NPAS3: variants seen among roughly 807,000 people sequenced by gnomAD.
NPAS3 encodes the protein neuronal PAS domain protein 3, also known as neuronal PAS domain-containing protein 3.
In NPAS3, 14 loss-of-function variants were observed where a neutral mutation model predicts 73.1. That is an observed-to-expected ratio of 0.19 (90% CI 0.13 to 0.30). NPAS3 has a LOEUF of 0.30. Ranked by LOEUF, NPAS3 falls within the 10% of genes least tolerant of loss-of-function variation. The pLI is 1.00. For missense variants in NPAS3, 1,096 were observed against 1,250.0 expected, an observed-to-expected ratio of 0.88 and a Z score of 1.86; for synonymous variants, 620 against 541.5, an observed-to-expected ratio of 1.14 and a Z score of -2.01.
rs767290908 is a variant in NPAS3 at position 33,560,098 on chromosome 14, T to C, written c.469-23T>C. The C allele has an allele frequency of 3.6e-6, 3 of 833,838 alleles. No individual in the cohort carries two copies. The South Asian group carries it at 4.3e-5, about 12-fold the overall frequency. The allele number at this position is 833,838 out of a possible 1,614,324, so 51.7% of individuals were successfully genotyped here. A position where few individuals can be genotyped will look rare whatever the true frequency, so the allele number is the denominator to read the frequency against. On this transcript the variant is annotated intron_variant, in intron 4 of 11. Coordinates refer to ENST00000356141, the Ensembl canonical transcript of NPAS3. ...TCCTTTGTATTTATTAATCTATTTA[T>C]ATATTTATTCTTTTTCCTGCAGTCC...
intron 5 of NPAS3, among the ~76,000 whole-genome samples, chr14:33,610,665 A>T (rs1201640295): frequency 2.0e-5 from 3 of 152,214 alleles, no homozygotes; most frequent in Admixed American, 6.5e-5. Flanking sequence ...GCTTCAAAGA[A>T]ATTTTATTTC....
At chr14:33,152,634 A>T (rs949001526) in intron 2 of NPAS3, among the ~76,000 whole-genome samples, 16 of 152,166 alleles carry the variant, frequency 1.1e-4, no homozygotes, top group African/African-American at 3.6e-4. Flanking sequence ...AATTCTAGGG[A>T]GGAAATAATT....
chr14:33,657,396 G>C (rs1217288133), intron 5 of NPAS3, among the ~76,000 whole-genome samples: 1 of 152,138 alleles, frequency 6.6e-6, no homozygotes, highest in Non-Finnish European at 1.5e-5. Context: ...ATGATGAATA[G>C]GATATCATCC....
intron 4 of NPAS3, among the ~76,000 whole-genome samples, chr14:33,436,274 C>T (rs772846352): frequency 3.2e-4 from 48 of 152,130 alleles, no homozygotes; most frequent in African/African-American, 6.3e-4. Context: ...CTAAGTAAGA[C>T]AAATTAAACA....
intron 5 of NPAS3, among the ~76,000 whole-genome samples, chr14:33,657,737 A>G (rs1357356645): frequency 6.6e-6 from 1 of 151,962 alleles, no homozygotes; most frequent in African/African-American, 2.4e-5. Flanking sequence ...TCATGGATTT[A>G]TTTTTCACAT....
intron 2 of NPAS3, among the ~76,000 whole-genome samples, chr14:33,166,534 T>G (rs1007800265): frequency 2.6e-4 from 40 of 152,298 alleles, no homozygotes; most frequent in African/African-American, 9.6e-4. Flanking sequence ...TGTATTTTTT[T>G]CCCTCCATAT....
chr14:33,391,592 GAGAA>G (rs2047007569), intron 4 of NPAS3, among the ~76,000 whole-genome samples: 1 of 152,208 alleles, frequency 6.6e-6, no homozygotes, highest in Non-Finnish European at 1.5e-5. Flanking sequence ...AAGAGGAAGA[GAGAA>G]AGAGAGGTAG....
chr14:33,611,546 C>T (rs961355879), intron 5 of NPAS3, among the ~76,000 whole-genome samples: 2 of 144,084 alleles, frequency 1.4e-5, no homozygotes, highest in Non-Finnish European at 3.0e-5. Flanking sequence ...ACCTCCAGAG[C>T]TTATAATGCC....
intron 4 of NPAS3, among the ~76,000 whole-genome samples, chr14:33,370,217 A>T (rs764851778): frequency 5.9e-5 from 9 of 152,152 alleles, no homozygotes; most frequent in Non-Finnish European, 1.2e-4. Flanking sequence ...GGTTGCATGA[A>T]GTGAGAAATA....
chr14:33,066,307 G>A (rs946989944), intron 2 of NPAS3, among the ~76,000 whole-genome samples: 1 of 152,152 alleles, frequency 6.6e-6, no homozygotes, highest in African/African-American at 2.4e-5. Context: ...GGAAGGTCGA[G>A]GGCATTCCTG....
intron 2 of NPAS3, 98 bp from the exon 3 acceptor site, chr14:33,215,084 A>G: frequency 7.7e-7 from 1 of 1,304,338 alleles, no homozygotes; most frequent in Non-Finnish European, 1.1e-6. Flanking sequence ...TTTTTGGTAG[A>G]ATTTTGGTGG....
At chr14:32,998,639 C>T (rs1030755771) in intron 1 of NPAS3, among the ~76,000 whole-genome samples, 2 of 152,198 alleles carry the variant, frequency 1.3e-5, no homozygotes, top group African/African-American at 2.4e-5. Context: ...AATCCACCTG[C>T]AACCTAATTT....
chr14:33,414,914 A>T lies in NPAS3; in HGVS notation c.468+47646A>T, dbSNP rs1036621342. ...TTGTGGAATTCTAGAGTAACAATAG[A>T]TAAGACATTTGAATGGTAGAATTCC... On this transcript the variant is annotated intron_variant, in intron 4 of 11. Coordinates refer to ENST00000356141, the Ensembl canonical transcript of NPAS3. Among the ~76,000 whole-genome samples the T allele has an allele frequency of 2.6e-5, 4 of 152,278 alleles. No individual in the cohort carries two copies. The East Asian group carries it at 7.7e-4, about 29-fold the overall frequency.
chr14:33,712,364 G>T (rs2060842670), intron 6 of NPAS3, among the ~76,000 whole-genome samples: 2 of 152,182 alleles, frequency 1.3e-5, no homozygotes, highest in South Asian at 4.2e-4. Context: ...AGTGGCATCT[G>T]CTATGAATGA....
chr14:33,296,234 T>C (rs1474055761), intron 3 of NPAS3, among the ~76,000 whole-genome samples: 1 of 151,934 alleles, frequency 6.6e-6, no homozygotes, highest in East Asian at 1.9e-4. Context: ...TATAAGATAC[T>C]TTTTTTTCCA....
chr14:33,444,526 CATT>C, intron 4 of NPAS3, among the ~76,000 whole-genome samples: 1 of 152,274 alleles, frequency 6.6e-6, no homozygotes, highest in East Asian at 1.9e-4. Flanking sequence ...ATTTTAATGT[CATT>C]ATAAAGACAT....
chr14:33,033,982 A>G (rs1370281657), intron 1 of NPAS3, among the ~76,000 whole-genome samples: 2 of 152,368 alleles, frequency 1.3e-5, no homozygotes, highest in South Asian at 4.1e-4. Context: ...ACAATTTATT[A>G]TAAATTGAAG....
At chr14:33,788,906 C>T (rs1395735736) in intron 9 of NPAS3, among the ~76,000 whole-genome samples, 1 of 147,386 alleles carries the variant, frequency 6.8e-6, no homozygotes, top group African/African-American at 2.5e-5. Context: ...AGGCCAACCA[C>T]TAAGCTCAAA....
intron 3 of NPAS3, among the ~76,000 whole-genome samples, chr14:33,226,383 G>A (rs1038781989): frequency 6.6e-5 from 10 of 152,114 alleles, no homozygotes; most frequent in Non-Finnish European, 1.3e-4. Context: ...ATGGTTTAAA[G>A]TATGTTGTGA....
Sources: gnomAD v4.1 joint callset for allele counts (sites outside exome capture counted in the v4.1 genomes callset) on GRCh38, gnomAD v4.1.1 for gene constraint, MANE v1.5 for transcripts, NCBI Gene and HGNC (gene_info 2026-07-23, HGNC 2026-07-21) for gene names.